DAP: variants seen among roughly 807,000 people sequenced by gnomAD.
DAP encodes the protein death-associated protein 1.
DAP carries 8 observed loss-of-function variants against 13.8 expected under a neutral mutation model. The ratio of observed to expected loss-of-function variants is 0.58; its 90% CI spans 0.34 to 1.05. The LOEUF is 1.05. Ranked by LOEUF, DAP falls within the 50% of genes least tolerant of loss-of-function variation. The probability of loss-of-function intolerance (pLI) is 0.03; values close to 1 mark genes in which losing one functional copy is unlikely to be tolerated. For missense variants in DAP, 106 were observed against 133.2 expected (o/e 0.80, Z 1.01); for synonymous variants, 47 against 47.5 (o/e 0.99, Z 0.04).
intron 2 of DAP, among the ~76,000 whole-genome samples, chr5:10,733,080 A>G (rs1464738749): frequency 6.6e-6 from 1 of 152,074 alleles, no homozygotes; most frequent in African/African-American, 2.4e-5. Context: ...TTCACTAGGC[A>G]TAATGACCTC....
intron 2 of DAP, among the ~76,000 whole-genome samples, chr5:10,699,721 C>CT (rs1426347448): frequency 6.6e-6 from 1 of 151,652 alleles, no homozygotes; most frequent in Non-Finnish European, 1.5e-5. Context: ...GTGAATGAGC[C>CT]TTTCCAGAGA....
intron 2 of DAP, among the ~76,000 whole-genome samples, chr5:10,713,078 C>T (rs567326899): frequency 6.6e-6 from 1 of 152,292 alleles, no homozygotes; most frequent in African/African-American, 2.4e-5. Flanking sequence ...ATCTGCCTTA[C>T]ATCTTTATCT....
At chr5:10,683,314 G>A (rs1330643132) in intron 3 of DAP, 11 of 632,566 alleles carry the variant, frequency 1.7e-5, no homozygotes, top group South Asian at 1.7e-5. Flanking sequence ...CTCACCAGAC[G>A]GCGGCTCTGG....
At chr5:10,684,220 AG>A (rs1280711377) in intron 2 of DAP, among the ~76,000 whole-genome samples, 1 of 152,210 alleles carries the variant, frequency 6.6e-6, no homozygotes, top group African/African-American at 2.4e-5. Context: ...TCCCTAAAGC[AG>A]GGGAGAAGTA....
At chr5:10,692,528 A>G (rs950240315) in intron 2 of DAP, among the ~76,000 whole-genome samples, 6 of 152,202 alleles carry the variant, frequency 3.9e-5, no homozygotes, top group African/African-American at 1.4e-4. Flanking sequence ...GCTCTTCCAC[A>G]GGACAGTCCT....
At chr5:10,734,878 A>G (rs1739565226) in intron 2 of DAP, among the ~76,000 whole-genome samples, 1 of 152,206 alleles carries the variant, frequency 6.6e-6, no homozygotes, top group African/African-American at 2.4e-5. Context: ...CTAAAGAAAC[A>G]AAATGAATTA....
intron 2 of DAP, among the ~76,000 whole-genome samples, chr5:10,712,227 C>T (rs1160798362): frequency 1.3e-5 from 2 of 152,170 alleles, no homozygotes; most frequent in Non-Finnish European, 2.9e-5. Context: ...AAGGAACCAA[C>T]CCTGCTGACA....
intron 2 of DAP, among the ~76,000 whole-genome samples, chr5:10,717,392 A>G (rs1739018439): frequency 6.6e-6 from 1 of 152,186 alleles, no homozygotes; most frequent in Non-Finnish European, 1.5e-5. Context: ...ATTGATTGGA[A>G]AAGAATGGGA....
At position 10,680,655 on chromosome 5, in the gene DAP, A is replaced by T. The variant is rs1424693953; in HGVS notation, c.*401T>A. On this transcript the variant is annotated 3_prime_UTR_variant, in exon 4 of 4. Transcript: ENST00000230895. ...AGGTGTTGAGATTTTATTGGCCCATACTAAAAAGCATGCAATGACTGAGGT... is the reference window on the plus strand; with the variant it reads ...AGGTGTTGAGATTTTATTGGCCCATTCTAAAAAGCATGCAATGACTGAGGT... The T allele has an allele frequency of 2.7e-5, 36 of 1,315,008 alleles. No individual in the cohort carries two copies. The highest frequency in any genetic ancestry group is 3.2e-5 in the Non-Finnish European group (31 of 963,770). 81.5% of individuals were successfully genotyped at this position (1,315,008 alleles called of 1,614,324 possible). A position where few individuals can be genotyped will look rare whatever the true frequency, so the allele number is the denominator to read the frequency against.
At chr5:10,733,344 T>C (rs1055002064) in intron 2 of DAP, among the ~76,000 whole-genome samples, 1 of 152,156 alleles carries the variant, frequency 6.6e-6, no homozygotes, top group Non-Finnish European at 1.5e-5. Context: ...TTCAATTCTT[T>C]TGGGTATATG....
intron 2 of DAP, among the ~76,000 whole-genome samples, chr5:10,684,832 G>A (rs1738116328): frequency 6.6e-6 from 1 of 152,140 alleles, no homozygotes; most frequent in Admixed American, 6.5e-5. Flanking sequence ...CCAAGACCTG[G>A]AGGTGAATAC....
At chr5:10,743,753 G>A (rs777636907) in intron 2 of DAP, among the ~76,000 whole-genome samples, 2 of 152,026 alleles carry the variant, frequency 1.3e-5, no homozygotes, top group Admixed American at 6.5e-5. Flanking sequence ...TAATTGGGTC[G>A]GCTCGAGATG....
Position 10,680,867 on chromosome 5 carries a change from T to A in DAP, c.*189A>T. 1 of 1,537,004 alleles carries A rather than the reference T, an allele frequency of 6.5e-7. No individual in the cohort carries two copies. Among genetic ancestry groups the A allele is most frequent in the Non-Finnish European group, 8.7e-7 (1 of 1,147,020 alleles). On this transcript the variant is annotated 3_prime_UTR_variant, in exon 4 of 4. Transcript: ENST00000230895. ...AAATGACATCCAACCAGACTCCCCA[T>A]AAACAAGGTTTGGGCTGGAGCTGTT...
chr5:10,684,239 A>G (rs908779127), intron 2 of DAP, among the ~76,000 whole-genome samples: 1 of 152,256 alleles, frequency 6.6e-6, no homozygotes, highest in African/African-American at 2.4e-5. Context: ...GTAGCTTTAC[A>G]TGGTGTGGAC....
intron 2 of DAP, among the ~76,000 whole-genome samples, chr5:10,724,685 C>A (rs1739239917): frequency 6.6e-6 from 1 of 152,224 alleles, no homozygotes; most frequent in South Asian, 2.1e-4. Flanking sequence ...ATAACCAGCA[C>A]ATGAACTAAC....
intron 2 of DAP, among the ~76,000 whole-genome samples, chr5:10,693,124 G>GCA (rs10596228): frequency 0.47 from 69,178 of 148,718 alleles, 17,417 homozygotes; most frequent in Non-Finnish European, 0.59. Context: ...ACATGCACAC[G>GCA]CACACACACA....
At chr5:10,730,906 A>G (rs1401370230) in intron 2 of DAP, among the ~76,000 whole-genome samples, 156 of 21,816 alleles carry the variant, frequency 7.2e-3, no homozygotes, top group Admixed American at 8.0e-3. Context: ...AGCCCTAGTG[A>G]GGGGGAATCT....
chr5:10,756,396 G>GA (rs1239016837), intron 1 of DAP, among the ~76,000 whole-genome samples: 36 of 91,540 alleles, frequency 3.9e-4, no homozygotes, highest in Non-Finnish European at 4.4e-4. Flanking sequence ...TAATCTGAAA[G>GA]TCTTTCTGCA....
At chr5:10,741,691 C>T (rs1485517460) in intron 2 of DAP, among the ~76,000 whole-genome samples, 1 of 152,180 alleles carries the variant, frequency 6.6e-6, no homozygotes, top group Non-Finnish European at 1.5e-5. Flanking sequence ...TTATTTATTC[C>T]ATTTTTGTAA....
Sources: allele counts gnomAD v4.1 joint callset (sites outside exome capture counted in the v4.1 genomes callset), GRCh38; gene constraint gnomAD v4.1.1; transcripts MANE v1.5; gene names NCBI Gene and HGNC (gene_info 2026-07-23, HGNC 2026-07-21).